IL23R: variants seen among roughly 807,000 people sequenced by gnomAD.
The protein encoded by IL23R is interleukin 23 receptor.
A neutral mutation model predicts 56.9 loss-of-function variants in IL23R; 34 were observed. The ratio of observed to expected loss-of-function variants is 0.60; its 90% CI spans 0.45 to 0.80. The LOEUF is 0.80. Among genes scored for constraint, IL23R ranks in the 30% least tolerant of loss-of-function variants. The pLI is 0.00. For missense variants in IL23R, 635 were observed against 730.0 expected, an observed-to-expected ratio of 0.87 and a Z score of 1.50; for synonymous variants, 230 against 249.2, an observed-to-expected ratio of 0.92 and a Z score of 0.73.
Position 67,206,997 on chromosome 1 carries a change from C to T in IL23R, c.740C>T (p.Thr247Ile), listed in dbSNP as rs770357159. 6.4e-7 allele frequency: 1 copy of T among 1,571,404 alleles called. No individual in the cohort carries two copies. The highest frequency in any genetic ancestry group is 8.6e-7 in the Non-Finnish European group (1 of 1,157,044). ...ATAATTTATTGGGATAGTCAAACAACAATTGAAAAGGTTTCCTGTGAAATG... is the reference window on the plus strand; with the variant it reads ...ATAATTTATTGGGATAGTCAAACAATAATTGAAAAGGTTTCCTGTGAAATG... The part of the protein sequence containing the change: ...KTIIYWDSQT[T>I]IEKVSCEMRY... Residue 247 changes from threonine to isoleucine, a missense_variant, in exon 6 of 11, where the codon ACA (threonine) becomes ATA (isoleucine). Transcript: ENST00000347310.
At chr1:67,165,426 A>G (rs997227044), upstream of IL23R, among the ~76,000 whole-genome samples, 1 of 152,210 alleles carries the variant, frequency 6.6e-6, no homozygotes, top group Non-Finnish European at 1.5e-5. Context: ...AAAAAATTAA[A>G]ATAGACCTAC....
intron 1 of IL23R, among the ~76,000 whole-genome samples, chr1:67,156,664 C>A (rs1352029857): frequency 1.3e-5 from 2 of 152,156 alleles, no homozygotes; most frequent in Non-Finnish European, 2.9e-5. Flanking sequence ...CCTCCATGAA[C>A]CAAACTGATC....
At chr1:67,145,340 C>T (rs1646670412) in intron 1 of IL23R, among the ~76,000 whole-genome samples, 1 of 152,072 alleles carries the variant, frequency 6.6e-6, no homozygotes, top group Admixed American at 6.5e-5. Context: ...AGAGCAAAAC[C>T]CTGTCTCAAA....
At chr1:67,208,176 G>A (rs1489922804) in intron 6 of IL23R, among the ~76,000 whole-genome samples, 2 of 152,158 alleles carry the variant, frequency 1.3e-5, no homozygotes, top group Non-Finnish European at 2.9e-5. Context: ...TGGTGATTTG[G>A]GTACTATTAA....
At chr1:67,260,904 G>A (rs931297991), downstream of IL23R, among the ~76,000 whole-genome samples, 2 of 151,896 alleles carry the variant, frequency 1.3e-5, no homozygotes, top group African/African-American at 2.4e-5. Flanking sequence ...ATAAATATTC[G>A]TTCATTCATT....
At chr1:67,255,772 T>C in intron 9 of IL23R, 65 bp from the exon 10 acceptor site, 1 of 834,798 alleles carries the variant, frequency 1.2e-6, no homozygotes, top group East Asian at 2.5e-5. Flanking sequence ...CATTTTATTC[T>C]AGTTGACTTC....
intron 7 of IL23R, among the ~76,000 whole-genome samples, chr1:67,226,514 TG>T (rs777729744): frequency 1.3e-5 from 2 of 152,212 alleles, no homozygotes; most frequent in Non-Finnish European, 2.9e-5. Context: ...CCTTTTCTTC[TG>T]TCCTTCTCTG....
chr1:67,257,602 T>A (rs993886440), intron 10 of IL23R, among the ~76,000 whole-genome samples: 1 of 152,184 alleles, frequency 6.6e-6, no homozygotes, highest in African/African-American at 2.4e-5. Context: ...TTGGAAGGCC[T>A]CCAGTCCATT....
chr1:67,224,220 G>C lies in IL23R; in HGVS notation c.955+4490G>C, dbSNP rs113001212. Among the ~76,000 whole-genome samples the C allele has an allele frequency of 5.6e-3, 850 of 152,256 alleles. 4 individuals carry two copies. Among genetic ancestry groups the C allele is most frequent in the Non-Finnish European group, 9.5e-3 (648 of 68,020 alleles). On this transcript the variant is annotated intron_variant, in intron 7 of 10. Transcript: ENST00000347310. Reference sequence around the variant, plus strand: ...ATACATAAAGATGTAAATAAAAGCAGTAAGAATCAGACTTCACAGCTGAAG... The same window carrying C: ...ATACATAAAGATGTAAATAAAAGCACTAAGAATCAGACTTCACAGCTGAAG...
intron 7 of IL23R, among the ~76,000 whole-genome samples, chr1:67,232,627 G>C (rs939410621): frequency 6.6e-6 from 1 of 152,182 alleles, no homozygotes; most frequent in African/African-American, 2.4e-5. Flanking sequence ...TTGTCTGTGT[G>C]ATTGGGTTGT....
intron 6 of IL23R, among the ~76,000 whole-genome samples, chr1:67,218,279 T>TAC (rs113646806): frequency 0.7 from 104,437 of 149,892 alleles, 37,178 homozygotes; most frequent in East Asian, 0.97. Context: ...CACATATATA[T>TAC]ATATATACAT....
intron 7 of IL23R, among the ~76,000 whole-genome samples, chr1:67,220,632 C>A (rs910796724): frequency 2.0e-5 from 3 of 152,068 alleles, no homozygotes; most frequent in Non-Finnish European, 2.9e-5. Context: ...CTTTGGGAGA[C>A]CAAGGCAGAA....
At chr1:67,194,228 G>A (rs147538235) in intron 4 of IL23R, among the ~76,000 whole-genome samples, 3 of 152,096 alleles carry the variant, frequency 2.0e-5, no homozygotes, top group African/African-American at 7.2e-5. Flanking sequence ...TCATATCATT[G>A]GCCATTGGGG....
At chr1:67,167,992 G>A (rs1168669146) in intron 1 of IL23R, 100 bp from the exon 2 acceptor site, 2 of 690,330 alleles carry the variant, frequency 2.9e-6, no homozygotes, top group South Asian at 3.4e-5. Context: ...CCTAATCAAA[G>A]GTTCCCATCA....
intron 7 of IL23R, among the ~76,000 whole-genome samples, chr1:67,226,143 G>A (rs1319722613): frequency 2.0e-5 from 3 of 152,218 alleles, no homozygotes; most frequent in Non-Finnish European, 4.4e-5. Flanking sequence ...GAGCACCTTG[G>A]GGCTCCAGCC....
intron 4 of IL23R, among the ~76,000 whole-genome samples, chr1:67,192,212 G>C (rs1647805286): frequency 6.6e-6 from 1 of 152,148 alleles, no homozygotes; most frequent in Non-Finnish European, 1.5e-5. Context: ...TGTATTACTG[G>C]GTAAGCGGTC....
intron 6 of IL23R, among the ~76,000 whole-genome samples, chr1:67,218,906 G>A (rs1387962052): frequency 1.3e-5 from 2 of 150,232 alleles, no homozygotes; most frequent in Non-Finnish European, 3.0e-5. Context: ...TCCAGCCTGG[G>A]CAACAGAGTG....
intron 3 of IL23R, among the ~76,000 whole-genome samples, chr1:67,177,446 C>T (rs575748737): frequency 8.5e-5 from 13 of 152,142 alleles, no homozygotes; most frequent in African/African-American, 3.1e-4. Context: ...ATATCTGTTG[C>T]CCACTTTTTG....
At chr1:67,254,416 C>CAT (rs3052942) in intron 9 of IL23R, among the ~76,000 whole-genome samples, 14 of 149,676 alleles carry the variant, frequency 9.4e-5, no homozygotes, top group South Asian at 4.3e-4. Flanking sequence ...AATATATATA[C>CAT]ATATATATAT....
Sources: allele counts gnomAD v4.1 joint callset (sites outside exome capture counted in the v4.1 genomes callset), GRCh38; gene constraint gnomAD v4.1.1; transcripts MANE v1.5; gene names NCBI Gene and HGNC (gene_info 2026-07-23, HGNC 2026-07-21).